The following C7orf78 variants were observed in gnomAD, a reference collection of about 807,000 sequenced individuals.
C7orf78 encodes the protein putative uncharacterized protein C7orf78.
At chr7:12,497,859 G>A in the C7orf78 span, among the ~76,000 whole-genome samples, 1 of 151,056 alleles carries the variant, frequency 6.6e-6, no homozygotes, top group South Asian at 2.1e-4. Flanking sequence ...AGAGAGCAGT[G>A]GTTCTCCCAG....
At chr7:12,515,714 T>A in the C7orf78 span, among the ~76,000 whole-genome samples, 2 of 152,118 alleles carry the variant, frequency 1.3e-5, no homozygotes, top group Non-Finnish European at 2.9e-5. Context: ...CAGATGGAGA[T>A]GAGGAACTTG....
chr7:12,500,193 A>T, the C7orf78 span, among the ~76,000 whole-genome samples: 1 of 151,168 alleles, frequency 6.6e-6, no homozygotes, highest in African/African-American at 2.4e-5. Flanking sequence ...GAGCAAACAC[A>T]TTCAAAAGCT....
At chr7:12,486,870 G>A in the C7orf78 span, 2 of 151,206 alleles carry the variant, frequency 1.3e-5, no homozygotes, top group African/African-American at 4.8e-5. Flanking sequence ...TAATATTACA[G>A]CAAATAAACT....
chr7:12,484,396 C>T, the C7orf78 span, among the ~76,000 whole-genome samples: 1 of 152,164 alleles, frequency 6.6e-6, no homozygotes, highest in African/African-American at 2.4e-5. Flanking sequence ...ATTAAATTTA[C>T]ATAAGTTACC....
the C7orf78 span, among the ~76,000 whole-genome samples, chr7:12,486,496 G>A: frequency 6.6e-6 from 1 of 151,698 alleles, no homozygotes; most frequent in African/African-American, 2.4e-5. Flanking sequence ...AGTTTCATCA[G>A]TTTATGAATA....
At chr7:12,488,421 A>G in the C7orf78 span, among the ~76,000 whole-genome samples, 1 of 152,122 alleles carries the variant, frequency 6.6e-6, no homozygotes, top group Non-Finnish European at 1.5e-5. Flanking sequence ...CACAAATGCA[A>G]ATACAAACTA....
the C7orf78 span, among the ~76,000 whole-genome samples, chr7:12,511,918 ATTTTTTTTTTTTTT>A: frequency 1.9e-3 from 152 of 80,572 alleles, no homozygotes; most frequent in African/African-American, 7.8e-3. Flanking sequence ...CACCTGGCTA[ATTTTTTTTTTTTTT>A]TTTTTTTTTT....
chr7:12,541,705 C>A, the C7orf78 span: 11 of 151,724 alleles, frequency 7.3e-5, no homozygotes, highest in Admixed American at 2.6e-4. Flanking sequence ...TATGTATGAG[C>A]TTTGTGTTCA....
At chr7:12,498,821 G>A in the C7orf78 span, among the ~76,000 whole-genome samples, 1 of 150,536 alleles carries the variant, frequency 6.6e-6, no homozygotes, top group East Asian at 1.9e-4. Context: ...AAAATGTTAA[G>A]GGCAGCCAGA....
chr7:12,484,456 C>G, the C7orf78 span, among the ~76,000 whole-genome samples: 1 of 152,140 alleles, frequency 6.6e-6, no homozygotes, highest in Non-Finnish European at 1.5e-5. Flanking sequence ...ACTCTTCTTT[C>G]TACAAATAAC....
At chr7:12,539,579 T>C in the C7orf78 span, among the ~76,000 whole-genome samples, 1 of 152,110 alleles carries the variant, frequency 6.6e-6, no homozygotes, top group Admixed American at 6.5e-5. Flanking sequence ...AAAAGCCCCA[T>C]AGGGATAGAA....
chr7:12,511,905 C>T, the C7orf78 span, among the ~76,000 whole-genome samples: 5 of 149,168 alleles, frequency 3.4e-5, no homozygotes, highest in African/African-American at 4.9e-5. Context: ...GCGCCCACCA[C>T]CACACCTGGC....
At chr7:12,520,498 A>T in the C7orf78 span, among the ~76,000 whole-genome samples, 106 of 152,206 alleles carry the variant, frequency 7.0e-4, no homozygotes, top group Non-Finnish European at 1.2e-3. Flanking sequence ...GTTATTCAAG[A>T]GCGTGTTGCT....
chr7:12,507,504 T>TCAACTTCAAGACTGTCA, the C7orf78 span: 1 of 203,200 alleles, frequency 4.9e-6, no homozygotes, highest in Non-Finnish European at 1.1e-5. Flanking sequence ...ACCTGGAATG[T>TCAACTTCAAGACTGTCA]AGAGAGCACT....
At chr7:12,518,248 G>T in the C7orf78 span, among the ~76,000 whole-genome samples, 4 of 152,172 alleles carry the variant, frequency 2.6e-5, no homozygotes, top group African/African-American at 9.7e-5. Context: ...AGGCCCAAGT[G>T]GTTGCAGCAG....
chr7:12,505,154 AG>A, the C7orf78 span, among the ~76,000 whole-genome samples: 1 of 152,102 alleles, frequency 6.6e-6, no homozygotes, highest in African/African-American at 2.4e-5. Context: ...TTCTTTATTT[AG>A]AAAAAAATAT....
chr7:12,517,713 G>A, the C7orf78 span, among the ~76,000 whole-genome samples: 2 of 152,076 alleles, frequency 1.3e-5, no homozygotes, highest in Non-Finnish European at 2.9e-5. Context: ...GAACTCTTCA[G>A]TTCTAGAATT....
the C7orf78 span, among the ~76,000 whole-genome samples, chr7:12,534,255 T>A: frequency 6.6e-6 from 1 of 152,128 alleles, no homozygotes; most frequent in Non-Finnish European, 1.5e-5. Context: ...TGTAAGCAAA[T>A]TTAAAAATTT....
the C7orf78 span, among the ~76,000 whole-genome samples, chr7:12,532,607 GATTA>G: frequency 6.6e-6 from 1 of 151,660 alleles, no homozygotes; most frequent in Non-Finnish European, 1.5e-5. Flanking sequence ...CTATCTGCCT[GATTA>G]ATTTTTTCTT....
Sources: gnomAD v4.1 joint callset for allele counts (sites outside exome capture counted in the v4.1 genomes callset) on GRCh38, gnomAD v4.1.1 for gene constraint, MANE v1.5 for transcripts, NCBI Gene and HGNC (gene_info 2026-07-23, HGNC 2026-07-21) for gene names.